Variants in NUMB observed in about 807,000 individuals in gnomAD.
NUMB encodes NUMB endocytic adaptor protein.
A neutral mutation model predicts 59.7 loss-of-function variants in NUMB; 29 were observed. The ratio of observed to expected loss-of-function variants is 0.49; its 90% CI spans 0.36 to 0.66. The LOEUF is 0.66. Among genes scored for constraint, NUMB ranks in the 30% least tolerant of loss-of-function variants. NUMB has a pLI of 0.00. For synonymous variants in NUMB, 288 were observed against 288.2 expected, an observed-to-expected ratio of 1.00 and a Z score of 0.01; for missense variants, 723 against 822.0, an observed-to-expected ratio of 0.88 and a Z score of 1.47.
intron 2 of NUMB, among the ~76,000 whole-genome samples, chr14:73,369,737 A>T (rs1894569596): frequency 6.6e-6 from 1 of 152,156 alleles, no homozygotes; most frequent in Non-Finnish European, 1.5e-5. Flanking sequence ...AAAATAGTTT[A>T]TTAAGGTATG....
intron 1 of NUMB, 151 bp downstream of exon 1, chr14:73,458,342 C>T (rs1884577646): frequency 6.5e-6 from 1 of 154,074 alleles, no homozygotes; most frequent in Non-Finnish European, 1.5e-5. Context: ...TCGCCGCCGC[C>T]CCCGCCGCCT....
rs774508876 is a variant in NUMB at position 73,284,156 on chromosome 14, G to A, written c.874C>T (p.Arg292Cys). 9.9e-6 allele frequency: 16 copies of A among 1,614,056 alleles called. No homozygotes were observed. Among genetic ancestry groups the A allele is most frequent in the African/African-American group, 5.3e-5 (4 of 74,906 alleles). The change falls in exon 10 of 13, where the codon CGC (arginine) becomes TGC (cysteine). Residue 292 changes from arginine (R) to cysteine (C), a missense_variant. Around this residue, in one of 2 missense-constraint regions of NUMB, gnomAD observed 317 missense variants for 436.6 expected, o/e 0.73. Transcript: ENST00000555238. ...ALSQKMSPFKRQLSLRINELP... is the reference protein window; with the variant it reads ...ALSQKMSPFKCQLSLRINELP... ...TCATTGATGCGTAGGGATAGTTGGCGTTTAAAGGGTGACATCTTCTGGCTA... is the reference window on the plus strand; with the variant it reads ...TCATTGATGCGTAGGGATAGTTGGCATTTAAAGGGTGACATCTTCTGGCTA...
intron 1 of NUMB, among the ~76,000 whole-genome samples, chr14:73,417,212 T>A (rs1414381180): frequency 6.6e-6 from 1 of 152,084 alleles, no homozygotes; most frequent in Non-Finnish European, 1.5e-5. Context: ...TTATCCTTCC[T>A]GGATGCCAGA....
intron 1 of NUMB, among the ~76,000 whole-genome samples, chr14:73,416,752 G>C (rs1040208032): frequency 6.6e-6 from 1 of 152,118 alleles, no homozygotes; most frequent in Non-Finnish European, 1.5e-5. Context: ...TGAGGCATGA[G>C]AATCACTTGA....
chr14:73,387,148 C>G (rs1160275135), intron 2 of NUMB, among the ~76,000 whole-genome samples: 2 of 151,944 alleles, frequency 1.3e-5, no homozygotes, highest in African/African-American at 4.8e-5. Flanking sequence ...TCCCAAAGTG[C>G]TGGGATTACA....
Position 73,330,542 on chromosome 14 carries a change from A to ACTAC in NUMB, c.127-7339_127-7338insGTAG, listed in dbSNP as rs1226047349. Among the ~76,000 whole-genome samples, 3 of 152,286 alleles carry ACTAC rather than the reference A, an allele frequency of 2.0e-5. No homozygotes were observed. In the East Asian group the frequency reaches 5.8e-4, roughly 29 times the overall value. ...GGCAAATTACACGACTTGTCTGTGT[A>ACTAC]TTACTTGTCTGTGTCTCAATTTCCT... On this transcript the variant is annotated intron_variant, in intron 4 of 12. Coordinates refer to ENST00000555238, the MANE Select transcript of NUMB (RefSeq NM_001005743.2).
At chr14:73,404,223 C>T (rs924074716) in intron 2 of NUMB, among the ~76,000 whole-genome samples, 1 of 150,310 alleles carries the variant, frequency 6.7e-6, no homozygotes, top group Non-Finnish European at 1.5e-5. Context: ...GTCTTGGTGA[C>T]AAAGCAAGGC....
rs745602699 is a variant in NUMB, at chr14:73,276,776, A to G, written c.1758T>C (p.Ser586=). ...FKPPAQHLNG[S]AAFNGVDDGR... ...CATCATCTACACCATTGAAAGCTGC[A>G]GAACCGTTGAGGTGCTGAGCAGGAG... Residue 586 remains serine, a synonymous_variant, in exon 13 of 13, where the codon TCT becomes TCC. Transcript: ENST00000555238. The G allele has an allele frequency of 2.5e-6, 4 of 1,614,224 alleles. No homozygotes were observed. The South Asian group carries it at 3.3e-5, about 13-fold the overall frequency.
At chr14:73,307,113 C>T (rs755399843) in intron 6 of NUMB, among the ~76,000 whole-genome samples, 19 of 151,996 alleles carry the variant, frequency 1.3e-4, no homozygotes, top group African/African-American at 4.8e-5. Context: ...ATTGAGACCA[C>T]CCTGGCTAAC....
At chr14:73,433,222 G>GA (rs1897908278) in intron 1 of NUMB, among the ~76,000 whole-genome samples, 1 of 151,920 alleles carries the variant, frequency 6.6e-6, no homozygotes, top group Non-Finnish European at 1.5e-5. Flanking sequence ...AGGAGTTCAA[G>GA]ACCAGTCTGG....
chr14:73,311,523 GT>G (rs1890777537), intron 6 of NUMB, among the ~76,000 whole-genome samples: 1 of 152,152 alleles, frequency 6.6e-6, no homozygotes, highest in East Asian at 1.9e-4. Flanking sequence ...CTGTCAGCTG[GT>G]GATGCAACAA....
chr14:73,281,084 C>T (rs188216370), intron 11 of NUMB, among the ~76,000 whole-genome samples: 31 of 152,106 alleles, frequency 2.0e-4, no homozygotes, highest in Non-Finnish European at 3.8e-4. Flanking sequence ...AACTGGGAGC[C>T]CTCTAAAGGC....
intron 1 of NUMB, among the ~76,000 whole-genome samples, chr14:73,453,839 C>A (rs1014368469): frequency 3.3e-5 from 5 of 151,810 alleles, no homozygotes; most frequent in Admixed American, 2.6e-4. Context: ...GATCTCCTGA[C>A]CTCGTGATCC....
intron 1 of NUMB, among the ~76,000 whole-genome samples, chr14:73,416,719 T>C (rs772108280): frequency 1.3e-5 from 2 of 151,856 alleles, no homozygotes; most frequent in African/African-American, 4.8e-5. Context: ...CACATGCCTG[T>C]AAATCCCAGC....
At chr14:73,277,352 T>C in intron 12 of NUMB, 59 bp from the exon 13 acceptor site, 1 of 1,290,258 alleles carries the variant, frequency 7.8e-7, no homozygotes, top group Non-Finnish European at 1.1e-6. Flanking sequence ...CCTCACCTTA[T>C]AATCTTGGTT....
At chr14:73,411,349 C>G (rs1486698464) in intron 1 of NUMB, among the ~76,000 whole-genome samples, 7 of 56,104 alleles carry the variant, frequency 1.2e-4, no homozygotes, top group African/African-American at 1.1e-3. Flanking sequence ...CCTCTTTAAA[C>G]CTCAAGTTTA....
chr14:73,297,231 C>T lies in NUMB; in HGVS notation c.289G>A (p.Val97Ile). The part of the protein sequence containing the change: ...VLWVSADGLR[V>I]VDEKTKDLIV... ...CTTACCTTAGTTTTTTCATCCACAACTCTGAGTCCATCTGCTGAGACCCAC... is the reference window on the plus strand; with the variant it reads ...CTTACCTTAGTTTTTTCATCCACAATTCTGAGTCCATCTGCTGAGACCCAC... The change falls in exon 7 of 13, where the codon GTT (valine) becomes ATT (isoleucine). Residue 97 changes from valine (V) to isoleucine (I), a missense_variant. Val to Ile is a conservative substitution (Grantham distance 29). Around this residue, in one of 2 missense-constraint regions of NUMB, gnomAD observed 317 missense variants for 436.6 expected, o/e 0.73. Transcript: ENST00000555238. 1 of 1,608,182 alleles carries T rather than the reference C, an allele frequency of 6.2e-7. No individual in the cohort carries two copies. The highest frequency in any genetic ancestry group is 8.5e-7 in the Non-Finnish European group (1 of 1,175,194).
At chr14:73,429,553 C>A (rs1348118343) in intron 1 of NUMB, among the ~76,000 whole-genome samples, 1 of 152,132 alleles carries the variant, frequency 6.6e-6, no homozygotes, top group Non-Finnish European at 1.5e-5. Context: ...GATGTGCCAT[C>A]CTTTATCAAT....
At chr14:73,386,227 C>T (rs1895517362) in intron 2 of NUMB, among the ~76,000 whole-genome samples, 1 of 152,050 alleles carries the variant, frequency 6.6e-6, no homozygotes, top group African/African-American at 2.4e-5. Flanking sequence ...CCAGCCTGGG[C>T]AACATAGTGA....
Sources: allele counts gnomAD v4.1 joint callset (sites outside exome capture counted in the v4.1 genomes callset), GRCh38; gene constraint gnomAD v4.1.1; regional missense constraint gnomAD v4.1.1; transcripts MANE v1.5; gene names NCBI Gene and HGNC (gene_info 2026-07-23, HGNC 2026-07-21).